The following GTF2IRD1 variants were observed in gnomAD, a reference collection of about 807,000 sequenced individuals.
GTF2IRD1 encodes the protein general transcription factor II-I repeat domain-containing protein 1.
Under a neutral mutation model 113.2 loss-of-function variants are expected in GTF2IRD1, and 26 were observed. The observed-to-expected ratio is 0.23, with a 90% CI of 0.17 to 0.32. GTF2IRD1 has a LOEUF of 0.32. Ranked by LOEUF, GTF2IRD1 falls within the 10% of genes least tolerant of loss-of-function variation. The probability of loss-of-function intolerance (pLI) is 1.00; values close to 1 mark genes in which losing one functional copy is unlikely to be tolerated. For synonymous variants in GTF2IRD1, 484 were observed against 529.1 expected (o/e 0.91, Z 1.17); for missense variants, 864 against 1,280.8 (o/e 0.67, Z 4.97).
intron 1 of GTF2IRD1, among the ~76,000 whole-genome samples, chr7:74,474,362 C>A (rs964642232): frequency 1.3e-5 from 2 of 152,224 alleles, no homozygotes; most frequent in Non-Finnish European, 2.9e-5. Context: ...ACCCCTCTGC[C>A]TCTAGCAGGG....
intron 22 of GTF2IRD1, among the ~76,000 whole-genome samples, chr7:74,584,803 GTGT>G (rs1342186503): frequency 6.6e-5 from 10 of 152,034 alleles, no homozygotes; most frequent in African/African-American, 2.2e-4. Context: ...GGTTTTTTGT[GTGT>G]TGTTGTTGTT....
chr7:74,518,850 T>G (rs2074659), intron 5 of GTF2IRD1, among the ~76,000 whole-genome samples: 40,056 of 151,972 alleles, frequency 0.26, 6,033 homozygotes, highest in East Asian at 0.45. Context: ...ATTGCGTCAC[T>G]GCACTCCAGC....
At chr7:74,533,787 G>A (rs781807923) in intron 9 of GTF2IRD1, among the ~76,000 whole-genome samples, 51 of 152,148 alleles carry the variant, frequency 3.4e-4, no homozygotes, top group Middle Eastern at 6.8e-3. Flanking sequence ...TAATCCCAGC[G>A]CTCTGGGAGG....
At chr7:74,462,716 C>T (rs1363560548) in intron 1 of GTF2IRD1, among the ~76,000 whole-genome samples, 1 of 152,172 alleles carries the variant, frequency 6.6e-6, no homozygotes, top group Admixed American at 6.5e-5. Context: ...CCATCACTAC[C>T]CACCCCCCAC....
chr7:74,501,289 G>C (rs1032996503), intron 1 of GTF2IRD1, among the ~76,000 whole-genome samples: 3 of 152,176 alleles, frequency 2.0e-5, no homozygotes, highest in Admixed American at 1.3e-4. Context: ...GTGGGGTGAT[G>C]GGAACCCGGA....
chr7:74,565,273 C>T (rs1398420975), intron 22 of GTF2IRD1, among the ~76,000 whole-genome samples: 2 of 152,156 alleles, frequency 1.3e-5, no homozygotes, highest in Non-Finnish European at 2.9e-5. Flanking sequence ...GCCTGTAATC[C>T]CAGCACTTTG....
intron 1 of GTF2IRD1, among the ~76,000 whole-genome samples, chr7:74,493,634 G>A (rs1203056003): frequency 6.6e-6 from 1 of 152,136 alleles, no homozygotes; most frequent in Non-Finnish European, 1.5e-5. Context: ...CTAGTAGACA[G>A]GTTCTCCTGT....
intron 1 of GTF2IRD1, among the ~76,000 whole-genome samples, chr7:74,490,835 G>T (rs1193849100): frequency 2.0e-5 from 3 of 152,090 alleles, no homozygotes; most frequent in African/African-American, 7.2e-5. Flanking sequence ...GAAGAGATTG[G>T]AGAGCTCTCC....
chr7:74,587,261 A>G (rs1359336898), intron 22 of GTF2IRD1, among the ~76,000 whole-genome samples: 1 of 152,114 alleles, frequency 6.6e-6, no homozygotes, highest in Admixed American at 6.6e-5. Context: ...CCTGGCCAAT[A>G]TGGCAAAACC....
chr7:74,565,486 T>C (rs1266311207), intron 22 of GTF2IRD1, among the ~76,000 whole-genome samples: 4 of 151,806 alleles, frequency 2.6e-5, no homozygotes, highest in Non-Finnish European at 5.9e-5. Context: ...GATCGCGCCA[T>C]TGCACTCCAG....
At chr7:74,576,358 C>G (rs181330679) in intron 22 of GTF2IRD1, among the ~76,000 whole-genome samples, 5 of 151,228 alleles carry the variant, frequency 3.3e-5, no homozygotes, top group Non-Finnish European at 5.9e-5. Flanking sequence ...ATCAGGAGTT[C>G]GAGACCAGCC....
At chr7:74,557,559 T>C (rs782182274) in intron 19 of GTF2IRD1, 80 bp from the exon 20 acceptor site, 3 of 932,032 alleles carry the variant, frequency 3.2e-6, no homozygotes, top group South Asian at 1.5e-5. Context: ...TCCCCATAAT[T>C]AGAAAATCAT....
chr7:74,575,117 A>G (rs587733072), intron 22 of GTF2IRD1, among the ~76,000 whole-genome samples: 18 of 152,090 alleles, frequency 1.2e-4, no homozygotes, highest in Middle Eastern at 3.4e-3. Flanking sequence ...AAAAAAACCC[A>G]GCCTCACGGA....
intron 22 of GTF2IRD1, among the ~76,000 whole-genome samples, chr7:74,584,927 G>A (rs1165517620): frequency 2.4e-4 from 36 of 152,040 alleles, no homozygotes; most frequent in Admixed American, 1.8e-3. Context: ...TCCGCCCCCG[G>A]AGTAGCTGGG....
At chr7:74,496,179 ATG>A (rs1554337846) in intron 1 of GTF2IRD1, among the ~76,000 whole-genome samples, 1 of 151,566 alleles carries the variant, frequency 6.6e-6, no homozygotes, top group African/African-American at 2.4e-5. Flanking sequence ...GTGTGTATGC[ATG>A]TGAGTGGCTA....
chr7:74,483,401 G>A (rs1185479121), intron 1 of GTF2IRD1, among the ~76,000 whole-genome samples: 2 of 151,678 alleles, frequency 1.3e-5, no homozygotes, highest in Non-Finnish European at 2.9e-5. Flanking sequence ...TTTTTAATTA[G>A]CTGGGCATGG....
intron 1 of GTF2IRD1, among the ~76,000 whole-genome samples, chr7:74,467,473 T>C (rs1554331197): frequency 6.6e-6 from 1 of 152,138 alleles, no homozygotes; most frequent in African/African-American, 2.4e-5. Flanking sequence ...CCAGAACAGT[T>C]AATCCTCTGG....
At position 74,507,776 on chromosome 7, in the gene GTF2IRD1, C is replaced by T. The variant is rs369919314; in HGVS notation, c.-6-299C>T. On this transcript the variant is annotated intron_variant, in intron 1 of 26. Transcript: ENST00000424337. ...GGAGGGCTGTGGCCAGAATTGCACA[C>T]GCCGGGAGAGGTGGCAGTTGGGGCC... 2.6e-4 allele frequency: 83 copies of T among 320,570 alleles called. 1 individual carries two copies. The East Asian group carries it at 3.6e-3, about 14-fold the overall frequency. The allele number at this position is 320,570 out of a possible 1,614,324, so 19.9% of individuals were successfully genotyped here.
At chr7:74,524,239 A>T in intron 8 of GTF2IRD1, 85 bp downstream of exon 8, 1 of 673,368 alleles carries the variant, frequency 1.5e-6, no homozygotes, top group Non-Finnish European at 2.5e-6. Context: ...GTTCCCCAAC[A>T]CGGCAGCGGG....
Sources: gnomAD v4.1 joint callset for allele counts (sites outside exome capture counted in the v4.1 genomes callset) on GRCh38, gnomAD v4.1.1 for gene constraint, MANE v1.5 for transcripts, NCBI Gene and HGNC (gene_info 2026-07-23, HGNC 2026-07-21) for gene names.